SNTG1: variants seen among roughly 807,000 people sequenced by gnomAD.
SNTG1 encodes the protein syntrophin gamma 1.
A neutral mutation model predicts 74.7 loss-of-function variants in SNTG1; 39 were observed. The ratio of observed to expected loss-of-function variants is 0.52; its 90% CI spans 0.40 to 0.68. The LOEUF (loss-of-function observed/expected upper bound fraction) is 0.68. SNTG1 is among the 30% of genes least tolerant of loss of function. The probability of loss-of-function intolerance (pLI) is 0.00; values close to 1 mark genes in which losing one functional copy is unlikely to be tolerated. For missense variants in SNTG1, 685 were observed against 609.5 expected, an observed-to-expected ratio of 1.12 and a Z score of -1.30; for synonymous variants, 254 against 217.1, an observed-to-expected ratio of 1.17 and a Z score of -1.49.
intron 2 of SNTG1, among the ~76,000 whole-genome samples, chr8:50,376,239 G>A (rs2092377205): frequency 6.6e-6 from 1 of 152,110 alleles, no homozygotes; most frequent in Non-Finnish European, 1.5e-5. Flanking sequence ...TAACTATACA[G>A]ATTATACACA....
chr8:50,532,215 A>G (rs1159726889), intron 10 of SNTG1, among the ~76,000 whole-genome samples: 1 of 152,206 alleles, frequency 6.6e-6, no homozygotes, highest in Non-Finnish European at 1.5e-5. Flanking sequence ...TCATGATGCT[A>G]TAGAGAATAA....
chr8:50,343,060 C>G (rs541467473), intron 2 of SNTG1, among the ~76,000 whole-genome samples: 1 of 152,246 alleles, frequency 6.6e-6, no homozygotes, highest in Non-Finnish European at 1.5e-5. Flanking sequence ...CAGAGATACA[C>G]AAATCAAAAC....
intron 16 of SNTG1, among the ~76,000 whole-genome samples, chr8:50,707,491 A>G (rs2095447231): frequency 6.6e-6 from 1 of 152,124 alleles, no homozygotes; most frequent in Admixed American, 6.5e-5. Flanking sequence ...TAAAAGAATA[A>G]TTTTGCATTA....
At chr8:50,735,098 T>C (rs556911161) in intron 17 of SNTG1, among the ~76,000 whole-genome samples, 2 of 151,314 alleles carry the variant, frequency 1.3e-5, no homozygotes, top group Admixed American at 6.6e-5. Context: ...TATCTGTTCA[T>C]CATCCGAAAC....
chr8:50,785,073 C>T (rs1041589463), intron 18 of SNTG1, among the ~76,000 whole-genome samples: 4 of 151,784 alleles, frequency 2.6e-5, no homozygotes. Context: ...AAAATTTTAA[C>T]TTCAAATACT....
intron 1 of SNTG1, among the ~76,000 whole-genome samples, chr8:49,933,509 G>A (rs1459302974): frequency 2.6e-5 from 4 of 152,092 alleles, no homozygotes; most frequent in African/African-American, 9.7e-5. Context: ...TATATGCCAT[G>A]TTGTAGAGGC....
intron 17 of SNTG1, among the ~76,000 whole-genome samples, chr8:50,724,352 G>A (rs13270091): frequency 2.0e-5 from 3 of 151,886 alleles, no homozygotes; most frequent in Non-Finnish European, 2.9e-5. Flanking sequence ...TCTGAGTTCC[G>A]TATAGTTTTA....
At chr8:49,987,811 G>A (rs1813314914) in intron 1 of SNTG1, among the ~76,000 whole-genome samples, 1 of 151,906 alleles carries the variant, frequency 6.6e-6, no homozygotes, top group South Asian at 2.1e-4. Flanking sequence ...ACCATGCCCA[G>A]CTAATTTTTT....
intron 2 of SNTG1, among the ~76,000 whole-genome samples, chr8:50,240,924 A>AT (rs1223156947): frequency 1.6e-4 from 25 of 151,928 alleles, no homozygotes; most frequent in South Asian, 2.1e-4. Flanking sequence ...ATTTTTCTGG[A>AT]TTTTTTTTCC....
chr8:50,588,430 C>G (rs1310746634), intron 12 of SNTG1, among the ~76,000 whole-genome samples: 1 of 152,048 alleles, frequency 6.6e-6, no homozygotes, highest in Non-Finnish European at 1.5e-5. Flanking sequence ...ATCCCACTCC[C>G]CATTTTGGTT....
chr8:50,248,937 C>A (rs1360240752), intron 2 of SNTG1, among the ~76,000 whole-genome samples: 2 of 151,958 alleles, frequency 1.3e-5, no homozygotes, highest in Non-Finnish European at 2.9e-5. Flanking sequence ...AAAGAGATGC[C>A]AAAAGAGAAT....
At chr8:50,701,214 A>G (rs903352491) in intron 15 of SNTG1, among the ~76,000 whole-genome samples, 2 of 152,236 alleles carry the variant, frequency 1.3e-5, no homozygotes, top group Non-Finnish European at 2.9e-5. Flanking sequence ...TTAGTTATAG[A>G]TTTTTGCCAA....
chr8:50,339,483 T>C (rs1450123), intron 2 of SNTG1, among the ~76,000 whole-genome samples: 7,325 of 152,112 alleles, frequency 0.048, 395 homozygotes, highest in South Asian at 0.17. Context: ...TAAAATGAAT[T>C]ACAGCCATGT....
intron 1 of SNTG1, among the ~76,000 whole-genome samples, chr8:50,061,910 T>C (rs1289575569): frequency 6.6e-6 from 1 of 152,116 alleles, no homozygotes; most frequent in Admixed American, 6.5e-5. Context: ...TTCTTGTCTA[T>C]TTTTTTAAAA....
intron 9 of SNTG1, among the ~76,000 whole-genome samples, chr8:50,522,980 C>T (rs1220162000): frequency 1.3e-5 from 2 of 152,182 alleles, no homozygotes; most frequent in African/African-American, 4.8e-5. Context: ...CCGTATTCAT[C>T]ATTAATCCTA....
chr8:50,397,450 G>T (rs1332991712), intron 3 of SNTG1, among the ~76,000 whole-genome samples: 2 of 152,116 alleles, frequency 1.3e-5, no homozygotes, highest in Non-Finnish European at 2.9e-5. Flanking sequence ...CCATGATTCG[G>T]TCTCTCATTT....
At chr8:50,651,527 G>T (rs1184304988) in intron 13 of SNTG1, among the ~76,000 whole-genome samples, 1 of 148,456 alleles carries the variant, frequency 6.7e-6, no homozygotes, top group Non-Finnish European at 1.5e-5. Flanking sequence ...GCATGATCTT[G>T]GCTCACTGCA....
intron 4 of SNTG1, among the ~76,000 whole-genome samples, chr8:50,411,716 A>T (rs1243746208): frequency 6.6e-6 from 1 of 152,084 alleles, no homozygotes; most frequent in East Asian, 1.9e-4. Flanking sequence ...CTTTTTTGCC[A>T]GTCAGTAGTC....
chr8:50,650,346 A>C (rs1281442127), intron 13 of SNTG1, among the ~76,000 whole-genome samples: 1 of 152,116 alleles, frequency 6.6e-6, no homozygotes, highest in Non-Finnish European at 1.5e-5. Flanking sequence ...CCTCATATAA[A>C]GAATGATTTA....
Sources: gnomAD v4.1 joint callset for allele counts (sites outside exome capture counted in the v4.1 genomes callset) on GRCh38, gnomAD v4.1.1 for gene constraint, MANE v1.5 for transcripts, NCBI Gene and HGNC (gene_info 2026-07-23, HGNC 2026-07-21) for gene names.